Variants in IMMP2L observed in about 807,000 individuals in gnomAD.
IMMP2L encodes the protein inner mitochondrial membrane peptidase subunit 2, also known as mitochondrial inner membrane protease subunit 2.
IMMP2L carries 18 observed loss-of-function variants against 19.3 expected under a neutral mutation model. That is an observed-to-expected ratio of 0.93 (90% CI 0.64 to 1.38). The LOEUF (loss-of-function observed/expected upper bound fraction) is 1.38. Ranked by LOEUF, IMMP2L falls within the 40% of genes most tolerant of loss-of-function variation. The probability of loss-of-function intolerance (pLI) is 0.00; values close to 1 mark genes in which losing one functional copy is unlikely to be tolerated. For missense variants in IMMP2L, 233 were observed against 218.2 expected (o/e 1.07, Z -0.43); for synonymous variants, 76 against 73.0 (o/e 1.04, Z -0.21).
intron 3 of IMMP2L, among the ~76,000 whole-genome samples, chr7:111,138,102 A>T (rs1802520750): frequency 6.6e-6 from 1 of 152,226 alleles, no homozygotes; most frequent in Non-Finnish European, 1.5e-5. Context: ...AAAGGCTGGG[A>T]TTACAGGCCT....
intron 5 of IMMP2L, among the ~76,000 whole-genome samples, chr7:110,810,645 C>T (rs370620849): frequency 1.3e-5 from 2 of 151,816 alleles, no homozygotes; most frequent in African/African-American, 2.4e-5. Flanking sequence ...CTTAGAGTTC[C>T]GATAATGGAA....
chr7:111,138,978 A>T (rs1001996351), intron 3 of IMMP2L, among the ~76,000 whole-genome samples: 1 of 152,204 alleles, frequency 6.6e-6, no homozygotes, highest in African/African-American at 2.4e-5. Context: ...AGAAAATGCC[A>T]TACTGCTAAA....
chr7:110,698,435 A>G (rs777605682), intron 5 of IMMP2L, among the ~76,000 whole-genome samples: 2 of 152,166 alleles, frequency 1.3e-5, no homozygotes, highest in African/African-American at 2.4e-5. Context: ...TTATTATTTC[A>G]TTGTAATTCA....
intron 3 of IMMP2L, among the ~76,000 whole-genome samples, chr7:111,212,994 C>G (rs76964355): frequency 8.5e-5 from 13 of 152,198 alleles, no homozygotes; most frequent in Admixed American, 7.9e-4. Context: ...GTTTCCAGGA[C>G]TGCGCTCTCC....
chr7:110,818,248 A>C (rs529553602), intron 5 of IMMP2L, among the ~76,000 whole-genome samples: 203 of 152,308 alleles, frequency 1.3e-3, no homozygotes, highest in African/African-American at 4.8e-3. Context: ...ATCTACAATG[A>C]ACTCAAACAA....
At chr7:111,154,296 T>C (rs1804395928) in intron 3 of IMMP2L, among the ~76,000 whole-genome samples, 1 of 152,132 alleles carries the variant, frequency 6.6e-6, no homozygotes, top group African/African-American at 2.4e-5. Flanking sequence ...ACTTATTTCT[T>C]AGATTTCTAA....
intron 3 of IMMP2L, chr7:111,124,948 G>T: frequency 8.5e-7 from 1 of 1,172,224 alleles, no homozygotes; most frequent in Non-Finnish European, 1.2e-6. Flanking sequence ...AAAAAAAAGC[G>T]AAAGACTGCA....
At chr7:110,805,734 T>C (rs1275159621) in intron 5 of IMMP2L, among the ~76,000 whole-genome samples, 1 of 151,968 alleles carries the variant, frequency 6.6e-6, no homozygotes, top group East Asian at 1.9e-4. Flanking sequence ...ACACAGTAAA[T>C]CCTCTTCTAA....
At chr7:111,290,585 G>A (rs1820979725) in intron 3 of IMMP2L, among the ~76,000 whole-genome samples, 1 of 151,960 alleles carries the variant, frequency 6.6e-6, no homozygotes, top group Admixed American at 6.6e-5. Context: ...AGTAGTGTGT[G>A]CCAAGCTGCC....
intron 3 of IMMP2L, among the ~76,000 whole-genome samples, chr7:111,105,165 C>T (rs988798044): frequency 2.0e-5 from 3 of 151,738 alleles, no homozygotes; most frequent in African/African-American, 4.8e-5. Flanking sequence ...AACCACAAAA[C>T]CTTTGAAGTG....
intron 3 of IMMP2L, among the ~76,000 whole-genome samples, chr7:111,332,500 T>C (rs911299218): frequency 1.3e-5 from 2 of 151,974 alleles, no homozygotes; most frequent in Non-Finnish European, 2.9e-5. Context: ...TAAATATCTA[T>C]GTACCAAATA....
intron 5 of IMMP2L, among the ~76,000 whole-genome samples, chr7:110,670,126 T>C (rs1483779485): frequency 1.3e-5 from 2 of 152,054 alleles, no homozygotes; most frequent in Non-Finnish European, 2.9e-5. Flanking sequence ...GGCAACCGGA[T>C]TAGTGACCTT....
At chr7:111,273,389 C>A (rs1818686369) in intron 3 of IMMP2L, among the ~76,000 whole-genome samples, 1 of 152,012 alleles carries the variant, frequency 6.6e-6, no homozygotes, top group South Asian at 2.1e-4. Context: ...GGGATCAGAT[C>A]ATGGGTAGCC....
At chr7:111,067,097 C>T (rs540909424) in intron 3 of IMMP2L, among the ~76,000 whole-genome samples, 1 of 152,328 alleles carries the variant, frequency 6.6e-6, no homozygotes, top group Non-Finnish European at 1.5e-5. Flanking sequence ...CCTGGACCTG[C>T]TCTATGTGCT....
At chr7:111,137,711 G>A (rs1802482808) in intron 3 of IMMP2L, among the ~76,000 whole-genome samples, 1 of 152,166 alleles carries the variant, frequency 6.6e-6, no homozygotes, top group Non-Finnish European at 1.5e-5. Context: ...TCTAACAAAG[G>A]AGAACAGAAA....
intron 3 of IMMP2L, among the ~76,000 whole-genome samples, chr7:111,013,871 T>C (rs1485226336): frequency 6.6e-6 from 1 of 152,126 alleles, no homozygotes; most frequent in Non-Finnish European, 1.5e-5. Flanking sequence ...CCACCTCATA[T>C]AGCTTTCATC....
intron 3 of IMMP2L, among the ~76,000 whole-genome samples, chr7:111,077,273 T>C (rs1361054987): frequency 6.6e-6 from 1 of 152,228 alleles, no homozygotes; most frequent in Non-Finnish European, 1.5e-5. Flanking sequence ...TTTTTTGTTT[T>C]ACATGGTTAA....
In IMMP2L at chr7:111,320,811, C is replaced by G. The variant is rs150377821; in HGVS notation, c.239+166427G>C. On this transcript the variant is annotated intron_variant, in intron 3 of 5. Coordinates refer to ENST00000405709, the MANE Select transcript of IMMP2L (RefSeq NM_032549.4). ...ACACATCTGTGTGCTCTGAAAGCAC[C>G]CTATGCTTATAGTTATCATACCATA... 2.0e-5 allele frequency among the ~76,000 whole-genome samples: 3 copies of G among 152,024 alleles called. No individual in the cohort carries two copies. In the East Asian group the frequency reaches 5.8e-4, roughly 29 times the overall value.
intron 3 of IMMP2L, among the ~76,000 whole-genome samples, chr7:111,146,634 C>T (rs1360136074): frequency 6.6e-6 from 1 of 152,146 alleles, no homozygotes; most frequent in Non-Finnish European, 1.5e-5. Context: ...AAATTGTAAA[C>T]TCCACGAGGG....
Sources: gnomAD v4.1 joint callset for allele counts (sites outside exome capture counted in the v4.1 genomes callset) on GRCh38, gnomAD v4.1.1 for gene constraint, MANE v1.5 for transcripts, NCBI Gene and HGNC (gene_info 2026-07-23, HGNC 2026-07-21) for gene names.